The following PRKAR1B variants were observed in gnomAD, a reference collection of about 807,000 sequenced individuals.
The protein encoded by PRKAR1B is protein kinase cAMP-dependent type I regulatory subunit beta.
A neutral mutation model predicts 46.5 loss-of-function variants in PRKAR1B; 22 were observed. The ratio of observed to expected loss-of-function variants is 0.47; its 90% CI spans 0.34 to 0.68. The LOEUF (loss-of-function observed/expected upper bound fraction) is 0.68. Ranked by LOEUF, PRKAR1B falls within the 30% of genes least tolerant of loss-of-function variation. PRKAR1B has a pLI of 0.01. For synonymous variants in PRKAR1B, 259 were observed against 217.7 expected, an observed-to-expected ratio of 1.19 and a Z score of -1.67; for missense variants, 445 against 535.6, an observed-to-expected ratio of 0.83 and a Z score of 1.67.
At chr7:653,091 A>G (rs917575270) in intron 4 of PRKAR1B, among the ~76,000 whole-genome samples, 1 of 152,176 alleles carries the variant, frequency 6.6e-6, no homozygotes, top group South Asian at 2.1e-4. Flanking sequence ...CTCCCAGTGG[A>G]CAAGTGCTTC....
chr7:570,198 C>A (rs919288965), intron 9 of PRKAR1B, among the ~76,000 whole-genome samples: 18 of 152,218 alleles, frequency 1.2e-4, no homozygotes, highest in Admixed American at 9.2e-4. Flanking sequence ...CAGGTTCCCC[C>A]ACAGGCACAT....
chr7:636,741 G>T (rs1255111786), intron 4 of PRKAR1B, among the ~76,000 whole-genome samples: 1 of 152,236 alleles, frequency 6.6e-6, no homozygotes, highest in Non-Finnish European at 1.5e-5. Context: ...GGAGGGGGCC[G>T]GCGGGACCTG....
intron 4 of PRKAR1B, among the ~76,000 whole-genome samples, chr7:633,059 G>A (rs781336684): frequency 2.6e-5 from 4 of 152,244 alleles, no homozygotes; most frequent in African/African-American, 7.2e-5. Flanking sequence ...GACGCCATGC[G>A]TGTGAATTCA....
intron 2 of PRKAR1B, chr7:691,411 A>C: frequency 9.7e-7 from 1 of 1,029,902 alleles, no homozygotes; most frequent in Non-Finnish European, 1.3e-6. Flanking sequence ...CCTGGTCAGG[A>C]GGGGTGCAGG....
chr7:647,178 G>A (rs944056080), intron 4 of PRKAR1B, among the ~76,000 whole-genome samples: 10 of 152,222 alleles, frequency 6.6e-5, no homozygotes, highest in African/African-American at 4.8e-5. Context: ...CACCTCCTCC[G>A]GGGTTGGGGG....
chr7:589,692 G>A (rs567477313), intron 7 of PRKAR1B, among the ~76,000 whole-genome samples: 1 of 152,204 alleles, frequency 6.6e-6, no homozygotes, highest in Non-Finnish European at 1.5e-5. Context: ...ACACTGTCCT[G>A]GAGACAACAA....
intron 6 of PRKAR1B, among the ~76,000 whole-genome samples, chr7:605,326 A>G (rs777822327): frequency 1.9e-4 from 29 of 152,194 alleles, no homozygotes; most frequent in Non-Finnish European, 2.9e-4. Flanking sequence ...TCAGCTCCGC[A>G]CCAGCAAGGT....
intron 9 of PRKAR1B, among the ~76,000 whole-genome samples, chr7:559,307 C>T (rs1371361478): frequency 1.3e-5 from 2 of 152,164 alleles, no homozygotes; most frequent in Admixed American, 1.3e-4. Flanking sequence ...GCAGGAGGAG[C>T]CAGCCGGAGA....
At chr7:617,605 G>T (rs1782899627) in intron 4 of PRKAR1B, among the ~76,000 whole-genome samples, 1 of 152,178 alleles carries the variant, frequency 6.6e-6, no homozygotes, top group Non-Finnish European at 1.5e-5. Flanking sequence ...AGCCCTGTAG[G>T]TTAAGAACAG....
rs543529141 is a variant in PRKAR1B, at chr7:554,102, C to G, written c.892-2632G>C. 2.0e-5 allele frequency among the ~76,000 whole-genome samples: 3 copies of G among 152,362 alleles called. No individual in the cohort carries two copies. The East Asian group carries it at 5.8e-4, about 29-fold the overall frequency. On this transcript the variant is annotated intron_variant, in intron 9 of 10. Transcript: ENST00000537384. ...GTCCTGGCACTGGCTCAGGCCAGAC[C>G]CGGGCACAGCTCTGGGCTCTGAGGC...
At chr7:699,351 A>G (rs1233904931) in intron 2 of PRKAR1B, among the ~76,000 whole-genome samples, 1 of 152,156 alleles carries the variant, frequency 6.6e-6, no homozygotes, top group Non-Finnish European at 1.5e-5. Context: ...GTGTTCCTGC[A>G]CTGGGAGGCA....
intron 9 of PRKAR1B, among the ~76,000 whole-genome samples, chr7:575,415 C>T (rs149894747): frequency 0.019 from 2,847 of 152,322 alleles, 85 homozygotes; most frequent in African/African-American, 0.065. Context: ...GGGTAACCTA[C>T]GACATCATTC....
chr7:554,498 G>A (rs1778287356), intron 9 of PRKAR1B, among the ~76,000 whole-genome samples: 1 of 152,260 alleles, frequency 6.6e-6, no homozygotes, highest in African/African-American at 2.4e-5. Flanking sequence ...ACCTGGGTGT[G>A]GAGCAATGTT....
intron 7 of PRKAR1B, among the ~76,000 whole-genome samples, chr7:592,609 AG>A (rs1248237701): frequency 6.6e-6 from 1 of 152,226 alleles, no homozygotes; most frequent in Admixed American, 6.5e-5. Flanking sequence ...TCAGGTTCCA[AG>A]GGGGTCTTGG....
chr7:605,042 C>A (rs180999275), intron 6 of PRKAR1B, among the ~76,000 whole-genome samples: 1 of 152,330 alleles, frequency 6.6e-6, no homozygotes, highest in Admixed American at 6.5e-5. Flanking sequence ...CACCACGAGC[C>A]GCAGAGGGTC....
At chr7:575,689 G>T (rs1247407323) in intron 9 of PRKAR1B, among the ~76,000 whole-genome samples, 1 of 152,112 alleles carries the variant, frequency 6.6e-6, no homozygotes, top group Non-Finnish European at 1.5e-5. Flanking sequence ...GGGACTACAG[G>T]CGTGCACCAC....
rs758150086 is a variant in PRKAR1B, at chr7:686,288, G to A, written c.178-5562C>T. ...TGCACTCCAGCCTGGGCGACAGAGCGAGATTATGTCTCAGAAAAAAAAAAA... is the reference window on the plus strand; with the variant it reads ...TGCACTCCAGCCTGGGCGACAGAGCAAGATTATGTCTCAGAAAAAAAAAAA... On this transcript the variant is annotated intron_variant, in intron 2 of 10. Transcript: ENST00000537384. Among the ~76,000 whole-genome samples the A allele has an allele frequency of 3.3e-5, 5 of 151,142 alleles. No homozygotes were observed. In the East Asian group the frequency reaches 5.8e-4, roughly 18 times the overall value.
intron 4 of PRKAR1B, among the ~76,000 whole-genome samples, chr7:648,364 C>T (rs572412001): frequency 2.0e-4 from 31 of 152,210 alleles, no homozygotes; most frequent in Non-Finnish European, 3.4e-4. Flanking sequence ...GTCATCCCAG[C>T]ACTGTGGGAG....
chr7:615,382 G>A (rs1053450831), intron 4 of PRKAR1B, among the ~76,000 whole-genome samples: 3 of 151,296 alleles, frequency 2.0e-5, no homozygotes, highest in Non-Finnish European at 2.9e-5. Flanking sequence ...CGGAGATCGC[G>A]CCACTGCACG....
Sources: allele counts gnomAD v4.1 joint callset (sites outside exome capture counted in the v4.1 genomes callset), GRCh38; gene constraint gnomAD v4.1.1; transcripts MANE v1.5; gene names NCBI Gene and HGNC (gene_info 2026-07-23, HGNC 2026-07-21).